CAMK2D: variants seen among roughly 807,000 people sequenced by gnomAD.
The protein encoded by CAMK2D is calcium/calmodulin-dependent protein kinase type II subunit delta.
Under a neutral mutation model 84.0 loss-of-function variants are expected in CAMK2D, and 37 were observed. The ratio of observed to expected loss-of-function variants is 0.44; its 90% confidence interval spans 0.34 to 0.58. CAMK2D has a LOEUF of 0.58. CAMK2D is among the 20% of genes least tolerant of loss of function. The pLI, the probability that CAMK2D is intolerant of heterozygous loss-of-function variation, is 0.02. For missense variants in CAMK2D, 448 were observed against 652.5 expected (o/e 0.69, Z 3.41); for synonymous variants, 202 against 212.5 (o/e 0.95, Z 0.43).
At chr4:113,658,944 C>T (rs187719523) in intron 3 of CAMK2D, among the ~76,000 whole-genome samples, 32 of 152,286 alleles carry the variant, frequency 2.1e-4, no homozygotes, top group Middle Eastern at 6.8e-3. Flanking sequence ...GGAATTATGA[C>T]ATTTGGCTGT....
At chr4:113,654,305 C>A (rs1236494919) in intron 3 of CAMK2D, among the ~76,000 whole-genome samples, 1 of 151,938 alleles carries the variant, frequency 6.6e-6, no homozygotes, top group Non-Finnish European at 1.5e-5. Flanking sequence ...GGGAAACATG[C>A]TTTTATAGAA....
chr4:113,617,134 T>A lies in CAMK2D; in HGVS notation c.221-7928A>T, dbSNP rs113254413. On this transcript the variant is annotated intron_variant, in intron 3 of 20. Coordinates refer to ENST00000511664, the MANE Select transcript of CAMK2D (RefSeq NM_001321571.2). ...TCTATCTTCCACTATGTATTGCAAG[T>A]TAGTCAGTGATCTCTCATCAATATC... 4.8e-3 allele frequency among the ~76,000 whole-genome samples: 728 copies of A among 152,236 alleles called. 5 individuals are homozygous for A. The highest frequency in any genetic ancestry group is 0.016 in the African/African-American group (644 of 41,534).
rs113915602 is a variant in CAMK2D, at chr4:113,575,097, C to T, written c.276-23001G>A. 2.2e-3 allele frequency among the ~76,000 whole-genome samples: 337 copies of T among 152,216 alleles called. 4 individuals carry two copies. Among genetic ancestry groups the T allele is most frequent in the Middle Eastern group, 0.01 (3 of 294 alleles). ...AGGTAGTAAATGTAATCACTTTTCC[C>T]CTCTGGAGAATGTAGGCTGTTAAAC... On this transcript the variant is annotated intron_variant, in intron 4 of 20. Coordinates refer to ENST00000511664, the MANE Select transcript of CAMK2D (RefSeq NM_001321571.2).
intron 2 of CAMK2D, among the ~76,000 whole-genome samples, chr4:113,751,469 C>A (rs570534089): frequency 6.6e-6 from 1 of 152,146 alleles, no homozygotes; most frequent in Non-Finnish European, 1.5e-5. Flanking sequence ...AATGTGTATA[C>A]ATTATCATTA....
chr4:113,496,849 C>T (rs574256139), intron 16 of CAMK2D, among the ~76,000 whole-genome samples: 769 of 152,220 alleles, frequency 5.1e-3, no homozygotes, highest in Non-Finnish European at 9.0e-3. Context: ...GTTTTAAACA[C>T]TGAACAAAAT....
chr4:113,509,903 G>T (rs2098187663), intron 12 of CAMK2D, among the ~76,000 whole-genome samples: 1 of 152,208 alleles, frequency 6.6e-6, no homozygotes, highest in Non-Finnish European at 1.5e-5. Flanking sequence ...GTAGTTCGTT[G>T]CATACAATTG....
chr4:113,510,054 TA>T (rs1171152777), intron 12 of CAMK2D, among the ~76,000 whole-genome samples: 1 of 152,214 alleles, frequency 6.6e-6, no homozygotes, highest in African/African-American at 2.4e-5. Flanking sequence ...CAGATTGTAT[TA>T]CATGTTCATT....
At chr4:113,509,536 TA>T (rs2098180840) in intron 13 of CAMK2D, 101 bp downstream of exon 13, 2 of 757,192 alleles carry the variant, frequency 2.6e-6, no homozygotes, top group Non-Finnish European at 4.5e-6. Flanking sequence ...TCAGAAACAA[TA>T]AAAAATAGAA....
intron 2 of CAMK2D, among the ~76,000 whole-genome samples, chr4:113,740,029 G>A (rs1283298552): frequency 6.6e-6 from 1 of 152,018 alleles, no homozygotes; most frequent in Admixed American, 6.6e-5. Context: ...ATATGCACAT[G>A]TGTTATAATG....
At chr4:113,679,430 T>C (rs2099331387) in intron 2 of CAMK2D, 1 of 975,576 alleles carries the variant, frequency 1.0e-6, no homozygotes, top group Non-Finnish European at 1.2e-6. Flanking sequence ...CTTTTCTTTC[T>C]TAATTCTTCC....
At chr4:113,477,466 C>T (rs1454550559) in intron 16 of CAMK2D, among the ~76,000 whole-genome samples, 1 of 149,530 alleles carries the variant, frequency 6.7e-6, no homozygotes, top group African/African-American at 2.5e-5. Flanking sequence ...GCCCAGTTGG[C>T]CAGGTGCAGT....
intron 3 of CAMK2D, among the ~76,000 whole-genome samples, chr4:113,657,593 T>C (rs866537405): frequency 7.2e-5 from 11 of 152,230 alleles, no homozygotes; most frequent in African/African-American, 1.9e-4. Context: ...TTCTTCTTTA[T>C]ACAATGTTGT....
At chr4:113,515,954 C>G (rs2098278683) in intron 9 of CAMK2D, among the ~76,000 whole-genome samples, 1 of 152,132 alleles carries the variant, frequency 6.6e-6, no homozygotes, top group African/African-American at 2.4e-5. Context: ...ACTTAACTTA[C>G]TTTTATATGA....
intron 2 of CAMK2D, among the ~76,000 whole-genome samples, chr4:113,704,039 T>G (rs548344748): frequency 6.6e-6 from 1 of 152,102 alleles, no homozygotes; most frequent in Admixed American, 6.5e-5. Context: ...ATTTTGTGAT[T>G]CATCAGAAAA....
chr4:113,592,674 G>A (rs183184636), intron 4 of CAMK2D, among the ~76,000 whole-genome samples: 5 of 151,504 alleles, frequency 3.3e-5, no homozygotes, highest in African/African-American at 7.3e-5. Flanking sequence ...TTTATTATCC[G>A]TCTCGGCAAC....
At chr4:113,738,402 C>T (rs759068334) in intron 2 of CAMK2D, among the ~76,000 whole-genome samples, 7 of 152,046 alleles carry the variant, frequency 4.6e-5, no homozygotes, top group East Asian at 3.8e-4. Context: ...TTTAAATATA[C>T]CCATATGAAA....
At position 113,465,436 on chromosome 4, in the gene CAMK2D, AAT is replaced by A. The variant is rs2097446461; in HGVS notation, c.1211+91_1211+92del. 4 of 762,022 alleles carry A rather than the reference AAT, an allele frequency of 5.2e-6. No individual in the cohort carries two copies. In the South Asian group the frequency reaches 6.5e-5, roughly 12 times the overall value. The allele number at this position is 762,022 out of a possible 1,614,324, so 47.2% of individuals were successfully genotyped here. On this transcript the variant is annotated intron_variant, in intron 17 of 20. Coordinates refer to ENST00000511664, the MANE Select transcript of CAMK2D (RefSeq NM_001321571.2). ...TGTTAACATATCAAACCTTGAATTA[AAT>A]ATATGTGAATTCAGACATGTTGAAT...
At chr4:113,751,221 T>C (rs1355765054) in intron 2 of CAMK2D, among the ~76,000 whole-genome samples, 1 of 152,110 alleles carries the variant, frequency 6.6e-6, no homozygotes, top group Non-Finnish European at 1.5e-5. Flanking sequence ...TGGGGCTGTA[T>C]TACTAACAAA....
At chr4:113,561,110 G>GA (rs1318308915) in intron 4 of CAMK2D, among the ~76,000 whole-genome samples, 3 of 152,226 alleles carry the variant, frequency 2.0e-5, no homozygotes, top group African/African-American at 7.2e-5. Context: ...TTGGAAACAG[G>GA]AATCTCAATT....
Sources: gnomAD v4.1 joint callset for allele counts (sites outside exome capture counted in the v4.1 genomes callset) on GRCh38, gnomAD v4.1.1 for gene constraint, MANE v1.5 for transcripts, NCBI Gene and HGNC (gene_info 2026-07-23, HGNC 2026-07-21) for gene names.